The following NCOR1 variants were observed in gnomAD, a reference collection of about 807,000 sequenced individuals.
NCOR1 encodes nuclear receptor corepressor 1.
A neutral mutation model predicts 288.1 loss-of-function variants in NCOR1; 63 were observed. The observed-to-expected ratio is 0.22, with a 90% CI of 0.18 to 0.27. The LOEUF is 0.27. Ranked by LOEUF, NCOR1 falls within the 10% of genes least tolerant of loss-of-function variation. NCOR1 has a pLI of 1.00. For missense variants in NCOR1, 2,397 were observed against 3,019.2 expected (o/e 0.79, Z 4.83); for synonymous variants, 1,007 against 1,065.9 (o/e 0.94, Z 1.08).
chr17:16,177,837 A>C (rs1020867922), intron 3 of NCOR1, among the ~76,000 whole-genome samples: 2 of 152,214 alleles, frequency 1.3e-5, no homozygotes, highest in African/African-American at 4.8e-5. Context: ...TTCTCCAATC[A>C]AAGAATATTC....
intron 1 of NCOR1, among the ~76,000 whole-genome samples, chr17:16,212,900 T>C (rs967331875): frequency 6.6e-6 from 1 of 151,676 alleles, no homozygotes; most frequent in Non-Finnish European, 1.5e-5. Flanking sequence ...GGTCAAACCC[T>C]TTCTCTACAA....
At chr17:16,213,061 A>G (rs1168015749) in intron 1 of NCOR1, among the ~76,000 whole-genome samples, 1 of 148,806 alleles carries the variant, frequency 6.7e-6, no homozygotes, top group Non-Finnish European at 1.5e-5. Flanking sequence ...TGTCTCCAAA[A>G]AAAAAAAAAA....
chr17:16,145,218 TGCAGTGCAGTGGCG>T (rs1351562909), intron 10 of NCOR1, among the ~76,000 whole-genome samples: 1 of 152,362 alleles, frequency 6.6e-6, no homozygotes, highest in East Asian at 1.9e-4. Context: ...TTGCCCAGGC[TGCAGTGCAGTGGCG>T]TGATCTAGGC....
At chr17:16,209,429 T>G (rs1180726948) in intron 1 of NCOR1, among the ~76,000 whole-genome samples, 1 of 152,100 alleles carries the variant, frequency 6.6e-6, no homozygotes, top group Non-Finnish European at 1.5e-5. Flanking sequence ...TCCTTTATAA[T>G]AAATTTTATA....
At chr17:16,115,505 T>A (rs1384917766) in intron 18 of NCOR1, among the ~76,000 whole-genome samples, 1 of 152,212 alleles carries the variant, frequency 6.6e-6, no homozygotes, top group Non-Finnish European at 1.5e-5. Flanking sequence ...ACTGAATGCC[T>A]TTAACAGCAC....
At chr17:16,034,270 T>A (rs907036771) in intron 45 of NCOR1, among the ~76,000 whole-genome samples, 9 of 152,182 alleles carry the variant, frequency 5.9e-5, no homozygotes, top group Non-Finnish European at 1.5e-5. Context: ...CTTTGCATTC[T>A]AAAAATGTTT....
At chr17:16,208,259 C>T (rs1391316543) in intron 1 of NCOR1, among the ~76,000 whole-genome samples, 7 of 129,408 alleles carry the variant, frequency 5.4e-5, no homozygotes, top group Non-Finnish European at 1.1e-4. Flanking sequence ...GGGGTTTCAC[C>T]ACGTTGGCCA....
Position 16,215,392 on chromosome 17 carries a change from G to GC in NCOR1, c.-102dup. Reference sequence around the variant, plus strand: ...GCTGGCTAAGCGTGGGAGCCGACGTGCGCCCCGGCCTGAGGAGTGGGACGC... The same window carrying GC: ...GCTGGCTAAGCGTGGGAGCCGACGTGCCGCCCCGGCCTGAGGAGTGGGACGC... On this transcript the variant is annotated 5_prime_UTR_variant, in exon 1 of 46. Coordinates refer to ENST00000268712, the MANE Select transcript of NCOR1 (RefSeq NM_006311.4). 2 of 395,514 alleles carry GC rather than the reference G, an allele frequency of 5.1e-6. No homozygotes were observed. Among genetic ancestry groups the GC allele is most frequent in the Non-Finnish European group, 8.9e-6 (2 of 223,984 alleles). The allele number at this position is 395,514 out of a possible 1,614,324, so 24.5% of individuals were successfully genotyped here. A position where few individuals can be genotyped will look rare whatever the true frequency, so the allele number is the denominator to read the frequency against.
rs763975274 is a variant in NCOR1 at position 16,127,341 on chromosome 17, G to A, written c.1510-1135C>T. 7.4e-4 allele frequency among the ~76,000 whole-genome samples: 30 copies of A among 40,722 alleles called. 5 individuals carry two copies. The highest frequency in any genetic ancestry group is 2.0e-3 in the African/African-American group (23 of 11,554). 26.7% of individuals were successfully genotyped at this position (40,722 alleles called of 152,430 possible). On this transcript the variant is annotated intron_variant, in intron 14 of 45. Coordinates refer to ENST00000268712, the MANE Select transcript of NCOR1 (RefSeq NM_006311.4). ...TGTATATATGTATGTATATATACAT[G>A]TATGTATATATGTATGTATATATAC...
At chr17:16,076,944 CACG>C (rs756961604) in intron 26 of NCOR1, among the ~76,000 whole-genome samples, 1 of 152,198 alleles carries the variant, frequency 6.6e-6, no homozygotes, top group Non-Finnish European at 1.5e-5. Flanking sequence ...CCCAATTCTC[CACG>C]ACAACACCTG....
intron 4 of NCOR1, among the ~76,000 whole-genome samples, chr17:16,168,448 G>A (rs534780104): frequency 6.6e-5 from 10 of 151,800 alleles, no homozygotes; most frequent in Admixed American, 3.9e-4. Context: ...TGATCCGCCC[G>A]CCTCGGCCTC....
chr17:16,143,803 TAA>T, intron 10 of NCOR1, 107 bp from the exon 11 acceptor site: 1 of 759,948 alleles, frequency 1.3e-6, no homozygotes, highest in Non-Finnish European at 2.1e-6. Context: ...TTAACCAAGT[TAA>T]GAGAAGAAAC....
chr17:16,053,618 C>T (rs928383421), intron 40 of NCOR1, among the ~76,000 whole-genome samples: 2 of 152,112 alleles, frequency 1.3e-5, no homozygotes, highest in Non-Finnish European at 2.9e-5. Flanking sequence ...GCCGTACTGC[C>T]CAATGCAATT....
intron 45 of NCOR1, among the ~76,000 whole-genome samples, chr17:16,033,336 C>CAAAAAAAA (rs59285422): frequency 7.0e-4 from 40 of 57,408 alleles, no homozygotes; most frequent in African/African-American, 2.1e-3. Flanking sequence ...ACTCCGTCTC[C>CAAAAAAAA]AAAAAAAAAA....
chr17:16,161,402 A>G (rs178654), intron 5 of NCOR1, among the ~76,000 whole-genome samples: 90,588 of 151,834 alleles, frequency 0.6, 27,864 homozygotes, highest in African/African-American at 0.73. Context: ...TGATTCTCCT[A>G]CCTCAGTCTC....
chr17:16,179,779 G>C (rs1429347637), intron 3 of NCOR1, among the ~76,000 whole-genome samples: 1 of 151,932 alleles, frequency 6.6e-6, no homozygotes, highest in East Asian at 1.9e-4. Context: ...ACTTTGGGAG[G>C]CCCAGGCGGG....
intron 5 of NCOR1, among the ~76,000 whole-genome samples, chr17:16,163,551 CAT>C: frequency 6.6e-6 from 1 of 152,182 alleles, no homozygotes; most frequent in Admixed American, 6.5e-5. Context: ...ATGGAACCTC[CAT>C]ATACTGCTGG....
intron 15 of NCOR1, among the ~76,000 whole-genome samples, chr17:16,123,878 G>C (rs1005490415): frequency 2.0e-5 from 3 of 152,092 alleles, no homozygotes; most frequent in Non-Finnish European, 4.4e-5. Flanking sequence ...ACTAAATCAT[G>C]AACTACCTGG....
At chr17:16,173,727 C>T (rs998691031) in intron 3 of NCOR1, among the ~76,000 whole-genome samples, 4 of 152,066 alleles carry the variant, frequency 2.6e-5, no homozygotes, top group South Asian at 4.2e-4. Flanking sequence ...GTCAGGAGTT[C>T]GAGACCAGCC....
Sources: allele counts gnomAD v4.1 joint callset (sites outside exome capture counted in the v4.1 genomes callset), GRCh38; gene constraint gnomAD v4.1.1; transcripts MANE v1.5; gene names NCBI Gene and HGNC (gene_info 2026-07-23, HGNC 2026-07-21).